Variants in ALCAM observed in about 807,000 individuals in gnomAD.
The protein encoded by ALCAM is CD166 antigen.
A neutral mutation model predicts 70.9 loss-of-function variants in ALCAM; 30 were observed. That is an observed-to-expected ratio of 0.42 (90% CI 0.32 to 0.57). The LOEUF is 0.57. Ranked by LOEUF, ALCAM falls within the 20% of genes least tolerant of loss-of-function variation. The pLI, the probability that ALCAM is intolerant of heterozygous loss-of-function variation, is 0.11. For synonymous variants in ALCAM, 249 were observed against 242.5 expected, an observed-to-expected ratio of 1.03 and a Z score of -0.25; for missense variants, 591 against 695.1, an observed-to-expected ratio of 0.85 and a Z score of 1.68.
chr3:105,548,186 T>G (rs988437578), intron 11 of ALCAM, among the ~76,000 whole-genome samples: 1 of 151,510 alleles, frequency 6.6e-6, no homozygotes, highest in African/African-American at 2.4e-5. Context: ...CCTGTTATTT[T>G]CTTTTACTAT....
chr3:105,504,253 A>G (rs1939001954), intron 1 of ALCAM, among the ~76,000 whole-genome samples: 1 of 152,182 alleles, frequency 6.6e-6, no homozygotes, highest in African/African-American at 2.4e-5. Context: ...CTCCGACCCT[A>G]TCGCAGTGTC....
At chr3:105,510,395 C>G (rs192394670) in intron 1 of ALCAM, among the ~76,000 whole-genome samples, 6 of 152,024 alleles carry the variant, frequency 3.9e-5, no homozygotes, top group African/African-American at 1.4e-4. Context: ...AAAAGTGTAA[C>G]CTTAGCACAA....
intron 1 of ALCAM, among the ~76,000 whole-genome samples, chr3:105,499,911 T>C (rs1371712749): frequency 3.3e-5 from 5 of 152,334 alleles, no homozygotes; most frequent in East Asian, 1.9e-4. Flanking sequence ...CATTTCACAA[T>C]TAGATTTTAG....
Position 105,575,056 on chromosome 3 carries a change from CTT to C in ALCAM, c.*607_*608del, listed in dbSNP as rs1184617851. On this transcript the variant is annotated 3_prime_UTR_variant, in exon 16 of 16. Coordinates refer to ENST00000306107, the MANE Select transcript of ALCAM (RefSeq NM_001627.4). ...CTGATAGACACCATAGGAGCCGACT[CTT>C]TGATATGCCACCAGCGAACTCTCAG... The C allele has an allele frequency of 2.6e-5, 4 of 152,538 alleles. No individual in the cohort carries two copies. The highest frequency in any genetic ancestry group is 5.9e-5 in the Non-Finnish European group (4 of 68,030). 9.4% of individuals were successfully genotyped at this position (152,538 alleles called of 1,614,324 possible).
chr3:105,521,869 C>T (rs1022923582), intron 2 of ALCAM, among the ~76,000 whole-genome samples: 1 of 152,098 alleles, frequency 6.6e-6, no homozygotes, highest in Non-Finnish European at 1.5e-5. Flanking sequence ...CCAGTTCACT[C>T]GAGGTAACTT....
At chr3:105,368,764 T>C (rs1935148568) in intron 1 of ALCAM, among the ~76,000 whole-genome samples, 1 of 152,014 alleles carries the variant, frequency 6.6e-6, no homozygotes, top group East Asian at 1.9e-4. Flanking sequence ...TTGCTGTGTG[T>C]GTGGGCGGGA....
chr3:105,422,863 G>T (rs1463339587), intron 1 of ALCAM, among the ~76,000 whole-genome samples: 1 of 151,486 alleles, frequency 6.6e-6, no homozygotes, highest in African/African-American at 2.4e-5. Context: ...TCTGGGGAAT[G>T]ACATAGTTGA....
At chr3:105,521,181 G>A in intron 2 of ALCAM, among the ~76,000 whole-genome samples, 1 of 150,612 alleles carries the variant, frequency 6.6e-6, no homozygotes, top group Non-Finnish European at 1.5e-5. Flanking sequence ...GGCGCCTGTA[G>A]TCCCAGCTAC....
At chr3:105,422,206 A>G (rs547867473) in intron 1 of ALCAM, among the ~76,000 whole-genome samples, 1 of 151,476 alleles carries the variant, frequency 6.6e-6, no homozygotes, top group African/African-American at 2.4e-5. Context: ...ATTCCATAGT[A>G]TATATATACC....
intron 1 of ALCAM, among the ~76,000 whole-genome samples, chr3:105,391,187 G>C (rs961905554): frequency 6.6e-6 from 1 of 151,676 alleles, no homozygotes; most frequent in African/African-American, 2.4e-5. Flanking sequence ...TACTTTGGGC[G>C]GTATGGCCAT....
At chr3:105,572,310 A>G (rs1940875772) in intron 15 of ALCAM, among the ~76,000 whole-genome samples, 1 of 151,186 alleles carries the variant, frequency 6.6e-6, no homozygotes, top group African/African-American at 2.4e-5. Flanking sequence ...CTCAACTCCC[A>G]CTTATGAGTG....
intron 1 of ALCAM, among the ~76,000 whole-genome samples, chr3:105,403,504 C>G (rs1470559924): frequency 6.6e-6 from 1 of 152,100 alleles, no homozygotes; most frequent in Non-Finnish European, 1.5e-5. Flanking sequence ...CGGTTTGGCT[C>G]TCAGGAAGCC....
Position 105,496,830 on chromosome 3 carries a change from GTGTGTGT to G in ALCAM, c.74-23236_74-23230del, listed in dbSNP as rs1938754858. 5.4e-5 allele frequency among the ~76,000 whole-genome samples: 8 copies of G among 149,198 alleles called. No homozygotes were observed. In the South Asian group the frequency reaches 1.5e-3, roughly 28 times the overall value. The stretch of plus-strand genomic sequence containing the variant: ...GATATTCTGATAGTCCAATTGAGGT[GTGTGTGT>G]GTGTGTGTGTGTGTGTGTGCATGCG... On this transcript the variant is annotated intron_variant, in intron 1 of 15. Transcript: ENST00000306107.
rs114021587 is a variant in ALCAM at position 105,491,324 on chromosome 3, G to T, written c.74-28743G>T. ...CTATGATGAGATTGGCTGACGCGAA[G>T]GTCTCTGACATGCCATGGAGACATT... On this transcript the variant is annotated intron_variant, in intron 1 of 15. Transcript: ENST00000306107. Among the ~76,000 whole-genome samples the T allele has an allele frequency of 4.1e-3, 630 of 152,276 alleles. 2 individuals carry two copies. The highest frequency in any genetic ancestry group is 0.015 in the African/African-American group (611 of 41,552).
Position 105,425,651 on chromosome 3 carries a change from A to G in ALCAM, c.73+58170A>G, listed in dbSNP as rs147158798. Reference sequence around the variant, plus strand: ...AACTGTAAGCTTATGTTTTAAATGTACCATGCAGAACCTTATAACAAGTAG... The same window carrying G: ...AACTGTAAGCTTATGTTTTAAATGTGCCATGCAGAACCTTATAACAAGTAG... On this transcript the variant is annotated intron_variant, in intron 1 of 15. Transcript: ENST00000306107. Among the ~76,000 whole-genome samples the G allele has an allele frequency of 1.6e-3, 238 of 151,976 alleles. 2 individuals are homozygous for G. The highest frequency in any genetic ancestry group is 5.5e-3 in the African/African-American group (230 of 41,508).
At chr3:105,450,353 T>C (rs978901715) in intron 1 of ALCAM, among the ~76,000 whole-genome samples, 1 of 152,200 alleles carries the variant, frequency 6.6e-6, no homozygotes, top group Admixed American at 6.5e-5. Flanking sequence ...GACGTTTTGA[T>C]AGAAGTTGCA....
chr3:105,418,120 C>T (rs746018622), intron 1 of ALCAM, among the ~76,000 whole-genome samples: 5 of 151,758 alleles, frequency 3.3e-5, no homozygotes, highest in African/African-American at 4.8e-5. Flanking sequence ...TAATATATGG[C>T]TGTGGTCTTT....
intron 1 of ALCAM, among the ~76,000 whole-genome samples, chr3:105,457,088 A>G (rs1253465935): frequency 5.9e-5 from 9 of 152,166 alleles, no homozygotes; most frequent in Non-Finnish European, 1.5e-5. Flanking sequence ...TCCACCCTCC[A>G]TTAGAGTTAT....
chr3:105,411,094 A>C (rs1472538119), intron 1 of ALCAM, among the ~76,000 whole-genome samples: 2 of 152,060 alleles, frequency 1.3e-5, no homozygotes, highest in African/African-American at 4.8e-5. Flanking sequence ...AAAAACATTA[A>C]TGCAGCTCTT....
Sources: allele counts gnomAD v4.1 joint callset (sites outside exome capture counted in the v4.1 genomes callset), GRCh38; gene constraint gnomAD v4.1.1; transcripts MANE v1.5; gene names NCBI Gene and HGNC (gene_info 2026-07-23, HGNC 2026-07-21).